DGKH: variants seen among roughly 807,000 people sequenced by gnomAD.
DGKH encodes DAG kinase eta.
A neutral mutation model predicts 159.3 loss-of-function variants in DGKH; 90 were observed. That is an observed-to-expected ratio of 0.57 (90% confidence interval 0.48 to 0.67). The LOEUF (loss-of-function observed/expected upper bound fraction) is 0.67. Ranked by LOEUF, DGKH falls within the 30% of genes least tolerant of loss-of-function variation. DGKH has a pLI of 0.00. For missense variants in DGKH, 1,181 were observed against 1,506.1 expected (o/e 0.78, Z 3.57); for synonymous variants, 536 against 553.8 (o/e 0.97, Z 0.45).
At chr13:42,172,708 T>C (rs1181587093) in intron 11 of DGKH, among the ~76,000 whole-genome samples, 1 of 152,178 alleles carries the variant, frequency 6.6e-6, no homozygotes, top group Non-Finnish European at 1.5e-5. Context: ...AGTTTTGCTG[T>C]TGTCATCGAG....
chr13:42,132,120 A>G (rs1231618455), intron 3 of DGKH, among the ~76,000 whole-genome samples: 2 of 152,098 alleles, frequency 1.3e-5, no homozygotes, highest in African/African-American at 4.8e-5. Context: ...ATCAACATTT[A>G]TTTGTTTTTT....
At chr13:42,219,087 T>C (rs560707717) in intron 26 of DGKH, 143 bp from the exon 27 acceptor site, 21 of 1,043,824 alleles carry the variant, frequency 2.0e-5, no homozygotes, top group Non-Finnish European at 2.4e-5. Flanking sequence ...AAGAATTTAT[T>C]CTTCTCTTAA....
At position 42,214,517 on chromosome 13, in the gene DGKH, G is replaced by A. The variant is rs751755572; in HGVS notation, c.3025G>A (p.Ala1009Thr). Residue 1009 changes from alanine to threonine, a missense_variant, in exon 25 of 30, where the codon GCA becomes ACA. Ala to Thr is a moderately conservative substitution (Grantham distance 58). Coordinates refer to ENST00000337343, the MANE Select transcript of DGKH (RefSeq NM_178009.5). ...AEELITRICD[A>T]ATIHCLLEQE... is the part of the protein sequence containing the mutation. ...CATTTTTGCTTTTAGGATATGTGAC[G>A]CAGCCACAATTCACTGTCTTTTGGA... 1.5e-5 allele frequency: 24 copies of A among 1,609,414 alleles called. No homozygotes were observed. The highest frequency in any genetic ancestry group is 2.7e-5 in the African/African-American group (2 of 74,590).
In DGKH at chr13:42,237,452, AC is replaced by A. The variant is rs1365814768; in HGVS notation, c.*8265del. The stretch of plus-strand genomic sequence containing the variant: ...TACATGGAAATTATAGGAAAAAGGA[AC>A]TTGAATTGGTAATTTGGCAAAGATT... On this transcript the variant is annotated 3_prime_UTR_variant, in exon 30 of 30. Coordinates refer to ENST00000337343, the MANE Select transcript of DGKH (RefSeq NM_178009.5). The A allele has an allele frequency of 2.6e-5, 4 of 152,216 alleles. No individual in the cohort carries two copies. The highest frequency in any genetic ancestry group is 9.7e-5 in the African/African-American group (4 of 41,448). The allele number at this position is 152,216 out of a possible 1,614,324, so 9.4% of individuals were successfully genotyped here.
intron 13 of DGKH, among the ~76,000 whole-genome samples, chr13:42,186,010 GGT>G (rs3039205): frequency 0.08 from 10,630 of 132,140 alleles, 505 homozygotes; most frequent in Middle Eastern, 0.17. Flanking sequence ...TGGTGGTGGT[GGT>G]GTGTGTGTGT....
chr13:42,118,280 A>G (rs536950205), intron 1 of DGKH, among the ~76,000 whole-genome samples: 2 of 152,038 alleles, frequency 1.3e-5, no homozygotes. Flanking sequence ...CCCCTCAATC[A>G]GGGGCCCAGC....
chr13:42,180,850 A>C (rs372436630), intron 13 of DGKH, among the ~76,000 whole-genome samples: 4 of 152,224 alleles, frequency 2.6e-5, no homozygotes, highest in East Asian at 1.9e-4. Context: ...TCTTCTTCTT[A>C]TTATTTTTGG....
intron 29 of DGKH, among the ~76,000 whole-genome samples, chr13:42,225,772 C>A (rs201908325): frequency 0.011 from 1,298 of 119,614 alleles, no homozygotes; most frequent in Admixed American, 0.012. Context: ...GACTCTGTCT[C>A]AAAAAAAAAA....
chr13:42,108,326 G>A (rs1313761482), intron 1 of DGKH, among the ~76,000 whole-genome samples: 3 of 152,150 alleles, frequency 2.0e-5, no homozygotes, highest in African/African-American at 7.2e-5. Context: ...TAAATTTAAG[G>A]GTGAGGGAAA....
intron 1 of DGKH, chr13:42,070,310 T>A (rs1242904824): frequency 7.5e-7 from 1 of 1,325,096 alleles, no homozygotes; most frequent in Admixed American, 1.7e-5. Flanking sequence ...GGAATTACGC[T>A]GAGAAGCTCC....
chr13:42,244,247 A>G (rs9533046), downstream of DGKH, among the ~76,000 whole-genome samples: 1,646 of 152,274 alleles, frequency 0.011, 13 homozygotes, highest in Non-Finnish European at 0.017. Context: ...GAGAAGATGA[A>G]GTTATCCAGA....
At chr13:42,179,514 T>C (rs1402838083) in intron 13 of DGKH, among the ~76,000 whole-genome samples, 1 of 152,190 alleles carries the variant, frequency 6.6e-6, no homozygotes, top group Non-Finnish European at 1.5e-5. Context: ...GGCTCATGCC[T>C]GTAATTCCAA....
intron 1 of DGKH, among the ~76,000 whole-genome samples, chr13:42,051,054 A>G (rs1229865158): frequency 1.3e-5 from 2 of 152,246 alleles, no homozygotes; most frequent in East Asian, 1.9e-4. Context: ...TATAGGTTTC[A>G]TGCGCTCGTT....
rs1594176417 is a variant in DGKH, at chr13:42,190,415, C to T, written c.1925C>T (p.Pro642Leu). The change falls in exon 16 of 30, where the codon CCG becomes CTG. Residue 642 changes from proline (P) to leucine (L), a missense_variant. Coordinates refer to ENST00000337343, the MANE Select transcript of DGKH (RefSeq NM_178009.5). ...TTACTACCTGAAGTTATGGATGACC[C>T]GACAGTTCACCCCTGTGAACCAGCT... The part of the protein sequence containing the change: ...IEEAGKVMDD[P>L]TVHPCEPANQ... The T allele has an allele frequency of 3.7e-6, 6 of 1,606,662 alleles. No individual in the cohort carries two copies. The highest frequency in any genetic ancestry group is 3.4e-6 in the Non-Finnish European group (4 of 1,177,722).
intron 14 of DGKH, 94 bp from the exon 15 acceptor site, chr13:42,188,942 A>G (rs2138105521): frequency 7.0e-7 from 1 of 1,418,490 alleles, no homozygotes; most frequent in African/African-American, 1.4e-5. Context: ...TAGTGATTAA[A>G]CTTTCAAAAC....
intron 1 of DGKH, among the ~76,000 whole-genome samples, chr13:42,108,192 A>G (rs1464923748): frequency 6.6e-6 from 1 of 152,170 alleles, no homozygotes; most frequent in East Asian, 1.9e-4. Context: ...ATAGGGGGTC[A>G]TTGTTATAGT....
chr13:42,202,906 A>C (rs1957382166), intron 20 of DGKH, among the ~76,000 whole-genome samples: 2 of 152,190 alleles, frequency 1.3e-5, no homozygotes, highest in African/African-American at 2.4e-5. Flanking sequence ...TGTTCTATTT[A>C]TTAACTGAAA....
chr13:42,050,118 C>T (rs1254759534), intron 1 of DGKH, among the ~76,000 whole-genome samples: 1 of 152,156 alleles, frequency 6.6e-6, no homozygotes, highest in Non-Finnish European at 1.5e-5. Flanking sequence ...TGCCTGTAAT[C>T]CCAGCACTTT....
chr13:42,199,959 A>T (rs1460691007), intron 20 of DGKH, 50 bp downstream of exon 20: 14 of 1,496,782 alleles, frequency 9.4e-6, no homozygotes, highest in South Asian at 1.3e-5. Context: ...ACTTAAAAAA[A>T]ATATCGTTTT....
Sources: allele counts gnomAD v4.1 joint callset (sites outside exome capture counted in the v4.1 genomes callset), GRCh38; gene constraint gnomAD v4.1.1; transcripts MANE v1.5; gene names NCBI Gene and HGNC (gene_info 2026-07-23, HGNC 2026-07-21).